The following NTNG2 variants were observed in gnomAD, a reference collection of about 807,000 sequenced individuals.
The protein encoded by NTNG2 is netrin G2.
NTNG2 carries 15 observed loss-of-function variants against 47.6 expected under a neutral mutation model. That is an observed-to-expected ratio of 0.32 (90% CI 0.21 to 0.49). NTNG2 has a LOEUF of 0.49. NTNG2 is among the 20% of genes least tolerant of loss of function. The pLI, the probability that NTNG2 is intolerant of heterozygous loss-of-function variation, is 0.99. For missense variants in NTNG2, 578 were observed against 764.6 expected, an observed-to-expected ratio of 0.76 and a Z score of 2.88; for synonymous variants, 307 against 324.6, an observed-to-expected ratio of 0.95 and a Z score of 0.58.
At chr9:132,174,325 C>T (rs929853422) in intron 2 of NTNG2, among the ~76,000 whole-genome samples, 4 of 130,342 alleles carry the variant, frequency 3.1e-5, no homozygotes, top group African/African-American at 1.4e-4. Flanking sequence ...GACGGACGGA[C>T]GGACAGACAG....
chr9:132,176,582 C>G lies in NTNG2; in HGVS notation c.213+9538C>G, dbSNP rs182329363. Among the ~76,000 whole-genome samples, 11 of 152,270 alleles carry G rather than the reference C, an allele frequency of 7.2e-5. No individual in the cohort carries two copies. The Middle Eastern group carries it at 0.01, about 141-fold the overall frequency. On this transcript the variant is annotated intron_variant, in intron 2 of 7. Coordinates refer to ENST00000393229, the MANE Select transcript of NTNG2 (RefSeq NM_032536.4). ...GTGGACACACCATATTTTGTGTATC[C>G]GTTTCCTAACTGATGGACATTTGAG...
intron 5 of NTNG2, among the ~76,000 whole-genome samples, chr9:132,237,954 A>C (rs1280989668): frequency 6.6e-6 from 1 of 152,130 alleles, no homozygotes; most frequent in African/African-American, 2.4e-5. Context: ...CACAGGTGGG[A>C]GTGCCCACCA....
chr9:132,216,321 C>T lies in NTNG2; in HGVS notation c.858-10528C>T, dbSNP rs74507920. Reference sequence around the variant, plus strand: ...AAATTAAACCCAGAGAAGTGACTTGCTCAAGGTCACCTAGCCAATCAGTAG... The same window carrying T: ...AAATTAAACCCAGAGAAGTGACTTGTTCAAGGTCACCTAGCCAATCAGTAG... On this transcript the variant is annotated intron_variant, in intron 3 of 7. Transcript: ENST00000393229. 4.6e-3 allele frequency among the ~76,000 whole-genome samples: 695 copies of T among 152,118 alleles called. 2 individuals carry two copies. Among genetic ancestry groups the T allele is most frequent in the Non-Finnish European group, 7.7e-3 (525 of 68,002 alleles).
rs965781525 is a variant in NTNG2 at position 132,231,550 on chromosome 9, G to T, written c.1054+955G>T. The T allele has an allele frequency of 1.2e-5, 4 of 342,084 alleles. No homozygotes were observed. The Admixed American group carries it at 1.2e-4, about 11-fold the overall frequency. 21.2% of individuals were successfully genotyped at this position (342,084 alleles called of 1,614,324 possible). ...GAAAGAAGCTGGACCCTGCAGGGAC[G>T]CTGGTCTGCACAGCCGTCGTAAGTT... On this transcript the variant is annotated intron_variant, in intron 5 of 7. Transcript: ENST00000393229. This position sits in a 1 kb window ranked among gnomAD's most constrained non-coding sequence, Gnocchi z 4.1.
intron 2 of NTNG2, among the ~76,000 whole-genome samples, chr9:132,189,064 C>CGTTTTTTT (rs1837636142): frequency 1.6e-5 from 1 of 61,774 alleles, no homozygotes; most frequent in South Asian, 4.8e-4. Context: ...GGCTTTAAGC[C>CGTTTTTTT]TTTCTTTTTT....
rs918610656 is a variant in NTNG2 at position 132,231,502 on chromosome 9, G to A, written c.1054+907G>A. 8.4e-6 allele frequency: 3 copies of A among 358,832 alleles called. No individual in the cohort carries two copies. In the East Asian group the frequency reaches 2.4e-4, roughly 29 times the overall value. The allele number at this position is 358,832 out of a possible 1,614,324, so 22.2% of individuals were successfully genotyped here. Reference sequence around the variant, plus strand: ...GACCCAGGGGGCCCCTGGCTGGGAAGCCAGTGAGCCGAGAGGGCGCCAGAA... The same window carrying A: ...GACCCAGGGGGCCCCTGGCTGGGAAACCAGTGAGCCGAGAGGGCGCCAGAA... On this transcript the variant is annotated intron_variant, in intron 5 of 7. Transcript: ENST00000393229. This position sits in a 1 kb window ranked among gnomAD's most constrained non-coding sequence, Gnocchi z 4.1.
intron 3 of NTNG2, among the ~76,000 whole-genome samples, chr9:132,199,609 G>A (rs1356634981): frequency 6.6e-6 from 1 of 152,188 alleles, no homozygotes; most frequent in Non-Finnish European, 1.5e-5. Flanking sequence ...TGATCTGGCT[G>A]GCCTTTGGCT....
chr9:132,211,107 A>G (rs1158026908), intron 3 of NTNG2, among the ~76,000 whole-genome samples: 1 of 152,136 alleles, frequency 6.6e-6, no homozygotes, highest in Non-Finnish European at 1.5e-5. Flanking sequence ...GGGGTTCACC[A>G]GAGGCCTTGG....
intron 2 of NTNG2, among the ~76,000 whole-genome samples, chr9:132,184,237 G>A (rs942825510): frequency 3.9e-5 from 6 of 152,300 alleles, no homozygotes; most frequent in African/African-American, 9.6e-5. Flanking sequence ...CTCGGAGGTC[G>A]CAGCTTCTGG....
chr9:132,162,226 C>T lies in NTNG2; in HGVS notation c.-497C>T, dbSNP rs1212125539. The T allele has an allele frequency of 3.9e-5, 6 of 152,470 alleles. No homozygotes were observed. The East Asian group carries it at 1.2e-3, about 30-fold the overall frequency. 9.4% of individuals were successfully genotyped at this position (152,470 alleles called of 1,614,324 possible). A position where few individuals can be genotyped will look rare whatever the true frequency, so the allele number is the denominator to read the frequency against. ...CTCCCAGGTCTCCGCGCCGGGAAGC[C>T]GCTCCGAGCCGGGGTAAGGCGGGCG... is the stretch of plus-strand genomic sequence containing the variant. On this transcript the variant is annotated 5_prime_UTR_variant, in exon 1 of 8. Coordinates refer to ENST00000393229, the MANE Select transcript of NTNG2 (RefSeq NM_032536.4). The surrounding 1 kb of genome is among the most constrained non-coding windows in gnomAD (Gnocchi z 4.6).
At chr9:132,212,306 C>A (rs1013783945) in intron 3 of NTNG2, among the ~76,000 whole-genome samples, 27 of 152,200 alleles carry the variant, frequency 1.8e-4, no homozygotes, top group Non-Finnish European at 3.1e-4. Flanking sequence ...CACCCCTAAG[C>A]CGCACACCCA....
In NTNG2 at chr9:132,221,314, G is replaced by T. The variant is rs899884412; in HGVS notation, c.858-5535G>T. On this transcript the variant is annotated intron_variant, in intron 3 of 7. Coordinates refer to ENST00000393229, the MANE Select transcript of NTNG2 (RefSeq NM_032536.4). The surrounding 1 kb of genome is among the most constrained non-coding windows in gnomAD (Gnocchi z 4.2). ...AGAACATCTGCTGGACAGAGACATG[G>T]AGAGAGAGACAAAGAGACAGGAGAA... Among the ~76,000 whole-genome samples the T allele has an allele frequency of 3.3e-5, 5 of 152,188 alleles. No homozygotes were observed. Among genetic ancestry groups the T allele is most frequent in the African/African-American group, 7.2e-5 (3 of 41,442 alleles).
chr9:132,223,660 ACT>A (rs1042113122), intron 3 of NTNG2, among the ~76,000 whole-genome samples: 3 of 152,002 alleles, frequency 2.0e-5, no homozygotes, highest in African/African-American at 7.3e-5. Flanking sequence ...ACAGAGTGAG[ACT>A]CTGTCTCAAA....
At position 132,176,117 on chromosome 9, in the gene NTNG2, G is replaced by T. The variant is rs113941483; in HGVS notation, c.213+9073G>T. On this transcript the variant is annotated intron_variant, in intron 2 of 7. Coordinates refer to ENST00000393229, the MANE Select transcript of NTNG2 (RefSeq NM_032536.4). ...TAACCCCAGCACTTTGGGAGGCCGA[G>T]GCAGGAGGATCACTTGAGGCCAAGA... is the stretch of plus-strand genomic sequence containing the variant. Among the ~76,000 whole-genome samples, 14 of 152,238 alleles carry T rather than the reference G, an allele frequency of 9.2e-5. 1 individual carries two copies. The highest frequency in any genetic ancestry group is 3.1e-4 in the African/African-American group (13 of 41,550).
At chr9:132,213,666 G>A (rs1434342888) in intron 3 of NTNG2, among the ~76,000 whole-genome samples, 3 of 150,464 alleles carry the variant, frequency 2.0e-5, no homozygotes, top group Non-Finnish European at 4.4e-5. Context: ...AGGTTATTTT[G>A]CCCATAACCC....
chr9:132,178,448 C>T (rs1028108576), intron 2 of NTNG2, among the ~76,000 whole-genome samples: 1 of 152,176 alleles, frequency 6.6e-6, no homozygotes. Flanking sequence ...CAAATAGAGA[C>T]ACACAACTTA....
intron 5 of NTNG2, among the ~76,000 whole-genome samples, chr9:132,235,271 G>A (rs1841534429): frequency 6.6e-6 from 1 of 152,244 alleles, no homozygotes; most frequent in South Asian, 2.1e-4. Context: ...GCAGCCATTA[G>A]CCAGAGACAT....
intron 2 of NTNG2, among the ~76,000 whole-genome samples, chr9:132,179,527 G>A (rs1441193697): frequency 1.3e-5 from 2 of 152,324 alleles, no homozygotes; most frequent in East Asian, 1.9e-4. Context: ...GAATGCTGGC[G>A]ATCGCAGCAA....
At chr9:132,178,407 A>T (rs1186437682) in intron 2 of NTNG2, among the ~76,000 whole-genome samples, 2 of 152,198 alleles carry the variant, frequency 1.3e-5, no homozygotes, top group East Asian at 3.8e-4. Flanking sequence ...GCAGGTACTT[A>T]ATAAATGCTG....
Sources: allele counts gnomAD v4.1 joint callset (sites outside exome capture counted in the v4.1 genomes callset), GRCh38; gene constraint gnomAD v4.1.1; non-coding constraint Gnocchi (gnomAD v3.1); transcripts MANE v1.5; gene names NCBI Gene and HGNC (gene_info 2026-07-23, HGNC 2026-07-21).